Variants in SEMA5B observed in about 807,000 individuals in gnomAD.
The protein encoded by SEMA5B is semaphorin-5B.
Under a neutral mutation model 135.0 loss-of-function variants are expected in SEMA5B, and 66 were observed. The observed-to-expected ratio is 0.49, with a 90% confidence interval of 0.40 to 0.60. The LOEUF (loss-of-function observed/expected upper bound fraction) is 0.60, where lower values mean the gene tolerates loss of function less well. Ranked by LOEUF, SEMA5B falls within the 20% of genes least tolerant of loss-of-function variation. SEMA5B has a pLI of 0.00. For synonymous variants in SEMA5B, 690 were observed against 639.5 expected, an observed-to-expected ratio of 1.08 and a Z score of -1.19; for missense variants, 1,501 against 1,566.3, an observed-to-expected ratio of 0.96 and a Z score of 0.70.
intron 15 of SEMA5B, 85 bp from the exon 16 acceptor site, chr3:122,913,766 A>ACGAG: frequency 6.3e-7 from 1 of 1,576,260 alleles, no homozygotes; most frequent in Middle Eastern, 1.8e-4. Flanking sequence ...ACCGGAAAGG[A>ACGAG]CGAGAGTCCC....
chr3:122,926,758 C>G (rs778640782), intron 8 of SEMA5B, 81 bp from the exon 9 acceptor site: 4 of 1,517,016 alleles, frequency 2.6e-6, no homozygotes, highest in Admixed American at 3.5e-5. Flanking sequence ...TCAACTACTT[C>G]GGTTTTCCCA....
rs1443025955 is a variant in SEMA5B at position 122,913,898 on chromosome 3, G to A, written c.2092C>T (p.His698Tyr). 3 of 1,612,504 alleles carry A rather than the reference G, an allele frequency of 1.9e-6. No homozygotes were observed. The Admixed American group carries it at 5.0e-5, about 27-fold the overall frequency. Reference sequence around the variant, plus strand: ...TTGCCCACGCAGATGCGGCCCCCGTGGCGGGGAGCAGGGTTGCTGCAACTT... The same window carrying A: ...TTGCCCACGCAGATGCGGCCCCCGTAGCGGGGAGCAGGGTTGCTGCAACTT... ...QRSCSNPAPR[H>Y]GGRICVGKSR... Residue 698 changes from histidine to tyrosine, a missense_variant, in exon 15 of 23, where the codon CAC (histidine) becomes TAC (tyrosine). Coordinates refer to ENST00000357599, the MANE Select transcript of SEMA5B (RefSeq NM_001031702.4).
chr3:122,917,053 G>A (rs11718194), intron 12 of SEMA5B, among the ~76,000 whole-genome samples: 10,676 of 152,262 alleles, frequency 0.07, 407 homozygotes, highest in Non-Finnish European at 0.083. Context: ...GAAAAAGTCT[G>A]TGGGGATTAT....
At chr3:123,008,837 C>A (rs900444939) in intron 1 of SEMA5B, among the ~76,000 whole-genome samples, 1 of 152,052 alleles carries the variant, frequency 6.6e-6, no homozygotes, top group African/African-American at 2.4e-5. Context: ...CAGGGGTTTT[C>A]CCTGGGCTCA....
chr3:122,995,437 C>CTAG (rs1942002123), intron 1 of SEMA5B, among the ~76,000 whole-genome samples: 1 of 152,214 alleles, frequency 6.6e-6, no homozygotes, highest in Non-Finnish European at 1.5e-5. Flanking sequence ...TGGCCACACC[C>CTAG]TGCCACACTA....
chr3:122,991,866 C>A (rs1370175240), intron 1 of SEMA5B, among the ~76,000 whole-genome samples: 1 of 152,080 alleles, frequency 6.6e-6, no homozygotes, highest in Non-Finnish European at 1.5e-5. Flanking sequence ...TAAGCAAAGA[C>A]CATACTATCA....
At chr3:123,010,296 G>A (rs1349901537) in intron 1 of SEMA5B, among the ~76,000 whole-genome samples, 1 of 152,160 alleles carries the variant, frequency 6.6e-6, no homozygotes, top group Non-Finnish European at 1.5e-5. Flanking sequence ...CTTAGTAGAT[G>A]TATGACCTTG....
chr3:123,003,757 C>G (rs542596618), intron 1 of SEMA5B, among the ~76,000 whole-genome samples: 4 of 152,160 alleles, frequency 2.6e-5, no homozygotes, highest in Non-Finnish European at 5.9e-5. Context: ...TCGCATGAAC[C>G]TTGGAGGCGG....
chr3:123,010,735 G>A (rs747858781), intron 1 of SEMA5B, among the ~76,000 whole-genome samples: 46 of 150,414 alleles, frequency 3.1e-4, no homozygotes, highest in Admixed American at 1.5e-3. Flanking sequence ...ACTTGAACCC[G>A]GGAGGTGGAG....
At chr3:122,979,846 G>A (rs920831072) in intron 1 of SEMA5B, among the ~76,000 whole-genome samples, 11 of 152,266 alleles carry the variant, frequency 7.2e-5, no homozygotes, top group Middle Eastern at 3.4e-3. Context: ...TTCTAACAGC[G>A]CCTTAGATTT....
At chr3:122,948,199 C>T (rs955716425) in intron 3 of SEMA5B, among the ~76,000 whole-genome samples, 2 of 152,266 alleles carry the variant, frequency 1.3e-5, no homozygotes, top group East Asian at 1.9e-4. Context: ...GACCCCTGGC[C>T]ACCCCCAGCC....
intron 10 of SEMA5B, 35 bp from the exon 11 acceptor site, chr3:122,922,482 C>A: frequency 6.5e-7 from 1 of 1,544,916 alleles, no homozygotes; most frequent in Non-Finnish European, 8.7e-7. Flanking sequence ...GCGCCCCGGC[C>A]ACCAGGGCTG....
intron 2 of SEMA5B, among the ~76,000 whole-genome samples, chr3:122,949,807 C>G (rs1246777214): frequency 1.3e-5 from 2 of 152,138 alleles, no homozygotes; most frequent in Non-Finnish European, 2.9e-5. Context: ...CCCCCCGACC[C>G]AGGAACTGAA....
At chr3:123,005,690 C>T (rs544993540) in intron 1 of SEMA5B, among the ~76,000 whole-genome samples, 1 of 152,302 alleles carries the variant, frequency 6.6e-6, no homozygotes, top group South Asian at 2.1e-4. Context: ...CAGAATGTGA[C>T]TTCCAGGGAT....
intron 1 of SEMA5B, among the ~76,000 whole-genome samples, chr3:123,001,766 G>A (rs998646581): frequency 1.3e-5 from 2 of 152,142 alleles, no homozygotes; most frequent in African/African-American, 4.8e-5. Context: ...CAGGAGAAGC[G>A]AGCACAGGGA....
intron 4 of SEMA5B, among the ~76,000 whole-genome samples, chr3:122,939,841 G>C (rs549264967): frequency 3.3e-5 from 5 of 152,328 alleles, no homozygotes; most frequent in African/African-American, 9.6e-5. Flanking sequence ...CATGGAGGCT[G>C]TTAAATGTAA....
chr3:122,989,637 C>T (rs1057409579), intron 1 of SEMA5B, among the ~76,000 whole-genome samples: 4 of 152,216 alleles, frequency 2.6e-5, no homozygotes, highest in African/African-American at 7.2e-5. Flanking sequence ...AGGGTAGATG[C>T]GACCCAGCTC....
chr3:123,012,720 G>A (rs1414644908), intron 1 of SEMA5B, among the ~76,000 whole-genome samples: 1 of 151,946 alleles, frequency 6.6e-6, no homozygotes, highest in African/African-American at 2.4e-5. Context: ...AGAGGTTCAG[G>A]GCTGCAGGAG....
In SEMA5B at chr3:123,025,499, A is replaced by G. The variant is rs148758204; in HGVS notation, c.-39+1965T>C. ...GGTGCATTGCACATAGTAGGTGCTT[A>G]AACAGTGTTAGATGTCCACGGTGAT... On this transcript the variant is annotated intron_variant, in intron 1 of 22. Transcript: ENST00000357599. 1.6e-4 allele frequency among the ~76,000 whole-genome samples: 25 copies of G among 152,324 alleles called. No homozygotes were observed. The East Asian group carries it at 4.8e-3, about 29-fold the overall frequency.
Sources: gnomAD v4.1 joint callset for allele counts (sites outside exome capture counted in the v4.1 genomes callset) on GRCh38, gnomAD v4.1.1 for gene constraint, MANE v1.5 for transcripts, NCBI Gene and HGNC (gene_info 2026-07-23, HGNC 2026-07-21) for gene names.